The following PCDHGA9 variants were observed in gnomAD, a reference collection of about 807,000 sequenced individuals.
The protein encoded by PCDHGA9 is protocadherin gamma subfamily A, 9.
PCDHGA9 carries 37 observed loss-of-function variants against 62.5 expected under a neutral mutation model. The observed-to-expected ratio is 0.59, with a 90% CI of 0.46 to 0.78. PCDHGA9 has a LOEUF of 0.78. Among genes scored for constraint, PCDHGA9 ranks in the 30% least tolerant of loss-of-function variants. The pLI is 0.00. For missense variants in PCDHGA9, 1,138 were observed against 1,166.2 expected, an observed-to-expected ratio of 0.98 and a Z score of 0.35; for synonymous variants, 459 against 484.6, an observed-to-expected ratio of 0.95 and a Z score of 0.69.
Position 141,423,580 on chromosome 5 carries a change from A to C in PCDHGA9, c.2424+18204A>C, listed in dbSNP as rs368022774. 46 of 1,613,286 alleles carry C rather than the reference A, an allele frequency of 2.9e-5. No individual in the cohort carries two copies. In the African/African-American group the frequency reaches 5.6e-4, roughly 20 times the overall value. On this transcript the variant is annotated intron_variant, in intron 1 of 3. Coordinates refer to ENST00000573521, the MANE Select transcript of PCDHGA9 (RefSeq NM_018921.3). ...TGGGGACACGCTCATCAGCCAGGAGAGCTGTGAGAAAAGCGAGCCACTCTT... is the reference window on the plus strand; with the variant it reads ...TGGGGACACGCTCATCAGCCAGGAGCGCTGTGAGAAAAGCGAGCCACTCTT...
chr5:141,477,431 G>T lies in PCDHGA9; in HGVS notation c.2425-17376G>T. 3 of 1,614,080 alleles carry T rather than the reference G, an allele frequency of 1.9e-6. No homozygotes were observed. The highest frequency in any genetic ancestry group is 2.5e-6 in the Non-Finnish European group (3 of 1,180,012). On this transcript the variant is annotated intron_variant, in intron 1 of 3. Transcript: ENST00000573521. This position sits in a 1 kb window ranked among gnomAD's most constrained non-coding sequence, Gnocchi z 4.9. ...AGACGCCGGAACCCCTTCCCTCTCA[G>T]CCCTTACAATAGTGCGTGTTCAAGT...
At chr5:141,447,437 G>A (rs1435222330) in intron 1 of PCDHGA9, among the ~76,000 whole-genome samples, 3 of 152,128 alleles carry the variant, frequency 2.0e-5, no homozygotes, top group Non-Finnish European at 2.9e-5. Context: ...CGCACCCGGA[G>A]GAAATTTTTA....
chr5:141,451,209 G>C (rs556588482), intron 1 of PCDHGA9, among the ~76,000 whole-genome samples: 1 of 152,266 alleles, frequency 6.6e-6, no homozygotes, highest in African/African-American at 2.4e-5. Flanking sequence ...CCAAAACTTA[G>C]TGGCTTAAAA....
intron 1 of PCDHGA9, chr5:141,420,034 C>T (rs373590502): frequency 7.8e-5 from 126 of 1,613,970 alleles, no homozygotes; most frequent in Non-Finnish European, 9.3e-5. Context: ...CTGCAGGAGA[C>T]TGCTTTGAGT....
chr5:141,510,813 C>G, intron 3 of PCDHGA9, 134 bp from the exon 4 acceptor site: 2 of 1,537,024 alleles, frequency 1.3e-6, no homozygotes, highest in Non-Finnish European at 1.8e-6. Context: ...CTTGGTGACC[C>G]CTATATTCCC....
Position 141,491,686 on chromosome 5 carries a change from C to A in PCDHGA9, c.2425-3121C>A. The A allele has an allele frequency of 6.2e-7, 1 of 1,612,970 alleles. No homozygotes were observed. The highest frequency in any genetic ancestry group is 8.5e-7 in the Non-Finnish European group (1 of 1,179,558). Reference sequence around the variant, plus strand: ...CATCCGGTCCCGCTCTAATACGCTGCGGGAGCGGAGCCAGGTGAGGGGCTC... The same window carrying A: ...CATCCGGTCCCGCTCTAATACGCTGAGGGAGCGGAGCCAGGTGAGGGGCTC... On this transcript the variant is annotated intron_variant, in intron 1 of 3. Coordinates refer to ENST00000573521, the MANE Select transcript of PCDHGA9 (RefSeq NM_018921.3). The surrounding 1 kb of genome is among the most constrained non-coding windows in gnomAD (Gnocchi z 6.9).
chr5:141,409,883 C>CGGGTGCTGTACCCAGCTCT, intron 1 of PCDHGA9: 1 of 1,612,988 alleles, frequency 6.2e-7, no homozygotes, highest in Non-Finnish European at 8.5e-7. Context: ...CAACGCACCG[C>CGGGTGCTGTACCCAGCTCT]GGGTGCTGTA....
intron 1 of PCDHGA9, chr5:141,471,361 C>T (rs1206745378): frequency 6.6e-6 from 1 of 151,976 alleles, no homozygotes; most frequent in Non-Finnish European, 1.5e-5. Context: ...TCCAAGCCCC[C>T]TATTTTTATT....
At position 141,404,289 on chromosome 5, in the gene PCDHGA9, A is replaced by T; in HGVS notation, c.1337A>T (p.Asn446Ile). Residue 446 changes from asparagine to isoleucine, a missense_variant, in exon 1 of 4, where the codon AAT becomes ATT. Physicochemically the swap from Asn to Ile is moderately radical, Grantham distance 149. Transcript: ENST00000573521. ...IHITLQVTDI[N>I]DNPPAFSQAS... Reference sequence around the variant, plus strand: ...ATCACCCTGCAAGTGACTGACATCAATGATAATCCACCTGCTTTCTCTCAA... The same window carrying T: ...ATCACCCTGCAAGTGACTGACATCATTGATAATCCACCTGCTTTCTCTCAA... The T allele has an allele frequency of 6.2e-7, 1 of 1,614,006 alleles. No homozygotes were observed.
chr5:141,474,011 A>T (rs910186122), intron 1 of PCDHGA9, among the ~76,000 whole-genome samples: 2 of 152,112 alleles, frequency 1.3e-5, no homozygotes, highest in Non-Finnish European at 2.9e-5. Flanking sequence ...TGGAAGTTAC[A>T]GTGAGCTATG....
At chr5:141,416,400 C>CT (rs1028319330) in intron 1 of PCDHGA9, 1 of 152,036 alleles carries the variant, frequency 6.6e-6, no homozygotes, top group African/African-American at 2.4e-5. Flanking sequence ...CTGCTTTTGT[C>CT]TTTTTTGTTA....
At chr5:141,459,891 CT>C (rs1405964049) in intron 1 of PCDHGA9, among the ~76,000 whole-genome samples, 1 of 152,158 alleles carries the variant, frequency 6.6e-6, no homozygotes, top group African/African-American at 2.4e-5. Flanking sequence ...TGAACGCCTT[CT>C]TAAAATTGAG....
rs1173375966 is a variant in PCDHGA9, at chr5:141,511,162, GAGA to G, written c.2794_2796del (p.Lys932del). 16 of 1,614,044 alleles carry G rather than the reference GAGA, an allele frequency of 9.9e-6. No individual in the cohort carries two copies. The highest frequency in any genetic ancestry group is 5.5e-5 in the South Asian group (5 of 91,078). On this transcript the variant is annotated inframe_deletion, in exon 4 of 4. Transcript: ENST00000573521. The stretch of plus-strand genomic sequence containing the variant: ...CAACAAGAAGAAGTCGGGCAAGAAG[GAGA>G]AGAAGTAACATGGAGGCCAGGCCAA...
intron 1 of PCDHGA9, chr5:141,409,191 A>G: frequency 1.2e-6 from 2 of 1,613,970 alleles, no homozygotes; most frequent in African/African-American, 2.7e-5. Flanking sequence ...CTCTCTACCC[A>G]GTGTAAAGTA....
chr5:141,444,762 T>A (rs767523211), intron 1 of PCDHGA9, among the ~76,000 whole-genome samples: 2 of 152,248 alleles, frequency 1.3e-5, no homozygotes, highest in Non-Finnish European at 2.9e-5. Flanking sequence ...TAGTTCTATT[T>A]CTATATTCTT....
At chr5:141,508,124 G>C (rs1248096612) in intron 3 of PCDHGA9, 1 of 152,640 alleles carries the variant, frequency 6.6e-6, no homozygotes, top group Non-Finnish European at 1.5e-5. Flanking sequence ...AGGACAGAGG[G>C]AGGTCAGGGA....
At chr5:141,439,445 G>A (rs1030957687) in intron 1 of PCDHGA9, among the ~76,000 whole-genome samples, 5 of 152,102 alleles carry the variant, frequency 3.3e-5, no homozygotes, top group African/African-American at 4.8e-5. Flanking sequence ...ATTTTATTGC[G>A]GGAGCAAGAC....
At chr5:141,484,054 G>A (rs1192214731) in intron 1 of PCDHGA9, among the ~76,000 whole-genome samples, 4 of 152,044 alleles carry the variant, frequency 2.6e-5, no homozygotes, top group African/African-American at 9.7e-5. Flanking sequence ...AGGTCCCCTG[G>A]GGCTAAGTGA....
intron 1 of PCDHGA9, chr5:141,407,965 G>A (rs2095011875): frequency 4.4e-6 from 3 of 688,096 alleles, no homozygotes; most frequent in Non-Finnish European, 6.9e-6. Flanking sequence ...CAGAGCAAGC[G>A]CTGACGCCGG....
Sources: allele counts gnomAD v4.1 joint callset (sites outside exome capture counted in the v4.1 genomes callset), GRCh38; gene constraint gnomAD v4.1.1; non-coding constraint Gnocchi (gnomAD v3.1); transcripts MANE v1.5; gene names NCBI Gene and HGNC (gene_info 2026-07-23, HGNC 2026-07-21).